IQCM: variants seen among roughly 807,000 people sequenced by gnomAD.
IQCM encodes the protein IQ domain-containing protein M.
A neutral mutation model predicts 57.6 loss-of-function variants in IQCM; 45 were observed. That is an observed-to-expected ratio of 0.78 (90% CI 0.62 to 1.00). IQCM has a LOEUF of 1.00. IQCM is among the 50% of genes least tolerant of loss of function. The pLI, the probability that IQCM is intolerant of heterozygous loss-of-function variation, is 0.00. For missense variants in IQCM, 468 were observed against 511.6 expected, an observed-to-expected ratio of 0.91 and a Z score of 0.82; for synonymous variants, 148 against 158.9, an observed-to-expected ratio of 0.93 and a Z score of 0.51.
intron 13 of IQCM, among the ~76,000 whole-genome samples, chr4:149,392,962 G>C (rs917292383): frequency 6.6e-6 from 1 of 151,988 alleles, no homozygotes; most frequent in African/African-American, 2.4e-5. Context: ...CTTAGGCTAG[G>C]AGTTAGACAC....
Position 149,682,133 on chromosome 4 carries a change from G to T in IQCM, c.550C>A (p.Leu184Ile). The T allele has an allele frequency of 3.3e-6, 4 of 1,213,136 alleles. No individual in the cohort carries two copies. The highest frequency in any genetic ancestry group is 4.1e-6 in the Non-Finnish European group (4 of 971,226). The allele number at this position is 1,213,136 out of a possible 1,614,324, so 75.1% of individuals were successfully genotyped here. Residue 184 changes from leucine to isoleucine, a missense_variant, in exon 7 of 14, where the codon CTT becomes ATT. Physicochemically the swap from Leu to Ile is conservative, Grantham distance 5 (BLOSUM62 2). Coordinates refer to ENST00000636793, the MANE Select transcript of IQCM (RefSeq NM_001363507.2). The stretch of plus-strand genomic sequence containing the variant: ...TAAGACTCACCAGGTTCTTTCAGAA[G>T]TTCCAAGTTAGAGGTCCCAGGTTGT... ...YLQPGTSNLELLKEPDKAFYD... is the reference protein window; with the variant it reads ...YLQPGTSNLEILKEPDKAFYD...
At chr4:149,590,817 T>C (rs1194337630) in intron 8 of IQCM, among the ~76,000 whole-genome samples, 1 of 152,122 alleles carries the variant, frequency 6.6e-6, no homozygotes, top group Non-Finnish European at 1.5e-5. Context: ...TTCCATGGTG[T>C]ATATGTGCCA....
Position 149,486,017 on chromosome 4 carries a change from G to GTCTCTCTCTC in IQCM, c.1229-52470_1229-52461dup, listed in dbSNP as rs71596213. ...CCTTACTTTCTCCCAAGCAAACAGA[G>GTCTCTCTCTC]TCTCTCTCTCTCTCTCTCTCTCTCT... On this transcript the variant is annotated intron_variant, in intron 12 of 13. Transcript: ENST00000636793. Among the ~76,000 whole-genome samples the GTCTCTCTCTC allele has an allele frequency of 7.0e-3, 852 of 121,600 alleles. 21 individuals are homozygous for GTCTCTCTCTC. The highest frequency in any genetic ancestry group is 0.01 in the East Asian group (40 of 3,970). 79.8% of individuals were successfully genotyped at this position (121,600 alleles called of 152,430 possible).
At chr4:149,389,856 T>A (rs1171964739) in intron 13 of IQCM, among the ~76,000 whole-genome samples, 5 of 151,942 alleles carry the variant, frequency 3.3e-5, no homozygotes, top group Non-Finnish European at 7.4e-5. Flanking sequence ...TAAAGTATAA[T>A]AATAATAAAT....
intron 12 of IQCM, among the ~76,000 whole-genome samples, chr4:149,506,315 T>C (rs576273011): frequency 1.3e-5 from 2 of 152,220 alleles, no homozygotes; most frequent in East Asian, 3.8e-4. Flanking sequence ...GCAAAAGGAT[T>C]CTTTGAAAAT....
chr4:149,483,288 C>A (rs1301685047), intron 12 of IQCM, among the ~76,000 whole-genome samples: 2 of 151,542 alleles, frequency 1.3e-5, no homozygotes, highest in Admixed American at 6.6e-5. Context: ...CTCTGACCAT[C>A]ATTATTTCTT....
At chr4:149,477,217 A>G (rs976200391) in intron 12 of IQCM, among the ~76,000 whole-genome samples, 12 of 152,306 alleles carry the variant, frequency 7.9e-5, no homozygotes, top group African/African-American at 2.9e-4. Context: ...TGATAAATCA[A>G]TTGATGATGT....
intron 2 of IQCM, among the ~76,000 whole-genome samples, chr4:149,752,000 TG>T (rs1187378698): frequency 6.6e-6 from 1 of 152,066 alleles, no homozygotes; most frequent in African/African-American, 2.4e-5. Flanking sequence ...TATAAATATG[TG>T]TGGATTCTGT....
chr4:149,687,132 T>C (rs1349361070), intron 5 of IQCM, among the ~76,000 whole-genome samples: 1 of 151,654 alleles, frequency 6.6e-6, no homozygotes, highest in Admixed American at 6.6e-5. Flanking sequence ...AGCTCAGATA[T>C]ATTATTAATA....
At position 149,665,876 on chromosome 4, in the gene IQCM, A is replaced by C. The variant is rs185606993; in HGVS notation, c.565+16242T>G. Among the ~76,000 whole-genome samples, 110 of 152,248 alleles carry C rather than the reference A, an allele frequency of 7.2e-4. 1 individual carries two copies. In the Middle Eastern group the frequency reaches 0.014, roughly 19 times the overall value. ...CGACTGGCTAAGTCTTCCGGCCACC[A>C]CATTTCTCCCACGCTGGACACTTCC... On this transcript the variant is annotated intron_variant, in intron 7 of 13. Transcript: ENST00000636793.
chr4:149,485,728 T>G (rs1741405506), intron 12 of IQCM, among the ~76,000 whole-genome samples: 1 of 152,108 alleles, frequency 6.6e-6, no homozygotes, highest in South Asian at 2.1e-4. Context: ...TTTAGTTTAT[T>G]TGGCAAGGCC....
chr4:149,589,160 A>G (rs1752898496), intron 8 of IQCM, among the ~76,000 whole-genome samples: 1 of 151,974 alleles, frequency 6.6e-6, no homozygotes, highest in Admixed American at 6.6e-5. Flanking sequence ...CAATTTTTGT[A>G]TAAAATAGCT....
In IQCM at chr4:149,537,457, A is replaced by G. The variant is rs1747410347; in HGVS notation, c.1228+10998T>C. Among the ~76,000 whole-genome samples, 3 of 152,082 alleles carry G rather than the reference A, an allele frequency of 2.0e-5. No individual in the cohort carries two copies. The South Asian group carries it at 6.2e-4, about 32-fold the overall frequency. ...AAAGAAAGATGTAAAAATAAACAGC[A>G]CCAGAGACTTGTGGGAAAACTTTAA... On this transcript the variant is annotated intron_variant, in intron 12 of 13. Transcript: ENST00000636793.
chr4:149,802,535 T>G (rs1162078229), intron 2 of IQCM, among the ~76,000 whole-genome samples: 3 of 151,944 alleles, frequency 2.0e-5, no homozygotes, highest in Non-Finnish European at 2.9e-5. Flanking sequence ...CACTTTTTGC[T>G]CCCTTTGCCC....
intron 7 of IQCM, among the ~76,000 whole-genome samples, chr4:149,635,774 GA>G (rs1757666502): frequency 6.6e-6 from 1 of 152,018 alleles, no homozygotes; most frequent in African/African-American, 2.4e-5. Context: ...ATAATCTGAT[GA>G]GATTCTAACT....
At chr4:149,423,256 CA>C (rs1295809981) in intron 13 of IQCM, among the ~76,000 whole-genome samples, 1 of 151,954 alleles carries the variant, frequency 6.6e-6, no homozygotes, top group African/African-American at 2.4e-5. Context: ...CTTCACAAGG[CA>C]GCAGGAGAGT....
intron 13 of IQCM, among the ~76,000 whole-genome samples, chr4:149,361,790 G>A (rs1471045880): frequency 1.3e-5 from 2 of 152,202 alleles, no homozygotes; most frequent in African/African-American, 2.4e-5. Context: ...GAAATGTGGG[G>A]TTAGAGCCCC....
intron 7 of IQCM, among the ~76,000 whole-genome samples, chr4:149,666,702 G>A (rs956377866): frequency 6.6e-6 from 1 of 152,204 alleles, no homozygotes; most frequent in Non-Finnish European, 1.5e-5. Flanking sequence ...TGTCAGCACA[G>A]CACGCTGAAG....
At chr4:149,677,356 C>T (rs2150193166) in intron 7 of IQCM, among the ~76,000 whole-genome samples, 2 of 152,124 alleles carry the variant, frequency 1.3e-5, no homozygotes, top group African/African-American at 4.8e-5. Context: ...GGGCACAAAC[C>T]TTTGCCAGCC....
Sources: allele counts gnomAD v4.1 joint callset (sites outside exome capture counted in the v4.1 genomes callset), GRCh38; gene constraint gnomAD v4.1.1; transcripts MANE v1.5; gene names NCBI Gene and HGNC (gene_info 2026-07-23, HGNC 2026-07-21).